The following TRAK1 variants were observed in gnomAD, a reference collection of about 807,000 sequenced individuals.
The protein encoded by TRAK1 is trafficking kinesin-binding protein 1.
TRAK1 carries 33 observed loss-of-function variants against 92.1 expected under a neutral mutation model. The ratio of observed to expected loss-of-function variants is 0.36; its 90% CI spans 0.27 to 0.48. TRAK1 has a LOEUF of 0.48. TRAK1 is among the 20% of genes least tolerant of loss of function. TRAK1 has a pLI of 0.99. For synonymous variants in TRAK1, 521 were observed against 517.3 expected (o/e 1.01, Z -0.10); for missense variants, 1,123 against 1,257.9 (o/e 0.89, Z 1.62).
At chr3:42,162,930 A>G (rs534285805) in intron 2 of TRAK1, among the ~76,000 whole-genome samples, 4 of 152,338 alleles carry the variant, frequency 2.6e-5, no homozygotes, top group African/African-American at 9.6e-5. Context: ...TAAAAAACCA[A>G]GAGCCAGATG....
intron 1 of TRAK1, among the ~76,000 whole-genome samples, chr3:42,052,742 A>G (rs1389760112): frequency 2.0e-5 from 3 of 152,080 alleles, no homozygotes; most frequent in Admixed American, 2.0e-4. Flanking sequence ...CATTTAATCT[A>G]GTTGGGATCC....
intron 1 of TRAK1, among the ~76,000 whole-genome samples, chr3:42,038,447 G>A (rs911567521): frequency 1.3e-5 from 2 of 152,046 alleles, no homozygotes; most frequent in Admixed American, 1.3e-4. Flanking sequence ...ACCTCAGCTG[G>A]GACCACAGGT....
chr3:42,118,430 G>A (rs1318695940), intron 1 of TRAK1, among the ~76,000 whole-genome samples: 1 of 152,230 alleles, frequency 6.6e-6, no homozygotes, highest in Non-Finnish European at 1.5e-5. Context: ...AGTGTTAAAT[G>A]TTGGACACTA....
intron 1 of TRAK1, among the ~76,000 whole-genome samples, chr3:42,093,588 A>T (rs1705405103): frequency 6.9e-6 from 1 of 145,656 alleles, no homozygotes; most frequent in Non-Finnish European, 1.5e-5. Flanking sequence ...TGCACTTGAA[A>T]CAAATTTTTT....
intron 1 of TRAK1, among the ~76,000 whole-genome samples, chr3:42,110,132 A>ATATATATAT (rs58099544): frequency 1.3e-3 from 163 of 128,008 alleles, no homozygotes; most frequent in African/African-American, 2.0e-3. Flanking sequence ...ATATATATAT[A>ATATATATAT]AACTTTGTGT....
At chr3:42,181,605 G>T (rs1330373898) in intron 3 of TRAK1, among the ~76,000 whole-genome samples, 11 of 152,210 alleles carry the variant, frequency 7.2e-5, no homozygotes, top group African/African-American at 2.4e-4. Flanking sequence ...GAACTTGGCA[G>T]CCTGGATGCA....
At chr3:42,211,038 T>C (rs1708965656) in intron 14 of TRAK1, 3 of 985,478 alleles carry the variant, frequency 3.0e-6, no homozygotes, top group Non-Finnish European at 3.6e-6. Flanking sequence ...GCAAAGCTTT[T>C]GTGGAGTCAG....
chr3:42,123,716 T>C (rs77200940), intron 1 of TRAK1, among the ~76,000 whole-genome samples: 6 of 152,234 alleles, frequency 3.9e-5, no homozygotes, highest in African/African-American at 1.4e-4. Flanking sequence ...TTTTTTTTTT[T>C]TCTCTCCTCT....
chr3:42,128,654 A>T (rs1044539900), intron 2 of TRAK1, among the ~76,000 whole-genome samples: 1 of 152,248 alleles, frequency 6.6e-6, no homozygotes, highest in Non-Finnish European at 1.5e-5. Flanking sequence ...AGTTATGAAC[A>T]TAGACACACA....
At chr3:42,084,710 T>C (rs1265501099), upstream of TRAK1, among the ~76,000 whole-genome samples, 1 of 152,176 alleles carries the variant, frequency 6.6e-6, no homozygotes, top group African/African-American at 2.4e-5. Flanking sequence ...ATGTTCTGGG[T>C]TCTTCTTGAG....
chr3:42,046,764 A>C (rs1702767182), intron 1 of TRAK1, among the ~76,000 whole-genome samples: 1 of 152,132 alleles, frequency 6.6e-6, no homozygotes, highest in Admixed American at 6.5e-5. Flanking sequence ...AAGAAATGTA[A>C]ATTTTTCCCC....
chr3:42,203,016 A>T, intron 13 of TRAK1: 1 of 1,263,226 alleles, frequency 7.9e-7, no homozygotes, highest in Non-Finnish European at 1.0e-6. Context: ...GTGGTCTTCT[A>T]GTTCTTTCCT....
rs527339108 is a variant in TRAK1, at chr3:42,110,066, G to A, written c.92-15354G>A. Among the ~76,000 whole-genome samples, 216 of 130,780 alleles carry A rather than the reference G, an allele frequency of 1.7e-3. 1 individual carries two copies. The highest frequency in any genetic ancestry group is 5.9e-3 in the African/African-American group (199 of 33,822). The allele number at this position is 130,780 out of a possible 152,430, so 85.8% of individuals were successfully genotyped here. On this transcript the variant is annotated intron_variant, in intron 1 of 15. Coordinates refer to ENST00000327628, the MANE Select transcript of TRAK1 (RefSeq NM_001042646.3). ...GTATACATATGTAGCAAACCTGCAC[G>A]TTGTGCACATGTACCCTAGAACTTA... is the stretch of plus-strand genomic sequence containing the variant.
intron 2 of TRAK1, among the ~76,000 whole-genome samples, chr3:42,158,159 G>A (rs1333164622): frequency 3.9e-5 from 6 of 152,108 alleles, no homozygotes; most frequent in African/African-American, 1.4e-4. Context: ...GTCTCTGTAT[G>A]TTTCATAATA....
At chr3:42,149,505 G>C (rs1447689020) in intron 2 of TRAK1, 2 of 1,536,134 alleles carry the variant, frequency 1.3e-6, no homozygotes, top group Admixed American at 3.9e-5. Context: ...GTGCTGTGAA[G>C]TCCATTCTTT....
intron 1 of TRAK1, among the ~76,000 whole-genome samples, chr3:42,054,979 G>A (rs1236147973): frequency 7.9e-6 from 1 of 127,328 alleles, no homozygotes; most frequent in East Asian, 2.4e-4. Context: ...GGAATACAGT[G>A]GCGCGATCTG....
intron 2 of TRAK1, among the ~76,000 whole-genome samples, chr3:42,158,004 T>G (rs973724357): frequency 1.3e-5 from 2 of 152,196 alleles, no homozygotes; most frequent in Non-Finnish European, 2.9e-5. Context: ...TCATTTCTGA[T>G]GGAGGCATAC....
intron 1 of TRAK1, among the ~76,000 whole-genome samples, chr3:42,103,670 A>G (rs1022846399): frequency 6.6e-6 from 1 of 152,060 alleles, no homozygotes; most frequent in Admixed American, 6.6e-5. Context: ...CTGAAGTGGG[A>G]GGATCACTTG....
At position 42,194,985 on chromosome 3, in the gene TRAK1, G is replaced by A. The variant is rs375836189; in HGVS notation, c.1113+44G>A. 8 of 1,606,010 alleles carry A rather than the reference G, an allele frequency of 5.0e-6. No homozygotes were observed. The African/African-American group carries it at 1.1e-4, about 21-fold the overall frequency. ...CCAGCCAGAGGACAGGAGGGGTTCT[G>A]GTGACAGGAGCACAGTGTCTGACAT... On this transcript the variant is annotated intron_variant, in intron 10 of 15. Coordinates refer to ENST00000327628, the MANE Select transcript of TRAK1 (RefSeq NM_001042646.3).
Sources: allele counts gnomAD v4.1 joint callset (sites outside exome capture counted in the v4.1 genomes callset), GRCh38; gene constraint gnomAD v4.1.1; transcripts MANE v1.5; gene names NCBI Gene and HGNC (gene_info 2026-07-23, HGNC 2026-07-21).